The following FGFR2 variants were observed in gnomAD, a reference collection of about 807,000 sequenced individuals.
FGFR2 encodes the protein fibroblast growth factor receptor 2, also known as BEK fibroblast growth factor receptor.
FGFR2 carries 19 observed loss-of-function variants against 95.9 expected under a neutral mutation model. The observed-to-expected ratio is 0.20, with a 90% CI of 0.14 to 0.29. FGFR2 has a LOEUF of 0.29. FGFR2 is among the 10% of genes least tolerant of loss of function. The pLI is 1.00. For missense variants in FGFR2, 707 were observed against 1,056.9 expected, an observed-to-expected ratio of 0.67 and a Z score of 4.59; for synonymous variants, 392 against 393.3, an observed-to-expected ratio of 1.00 and a Z score of 0.04.
At chr10:121,511,206 T>C (rs1849018887) in intron 9 of FGFR2, among the ~76,000 whole-genome samples, 1 of 151,698 alleles carries the variant, frequency 6.6e-6, no homozygotes, top group African/African-American at 2.4e-5. Context: ...CTGCAGCCTC[T>C]TGTACCATGC....
In FGFR2 at chr10:121,531,982, C is replaced by G. The variant is rs115898981; in HGVS notation, c.748+6610G>C. The stretch of plus-strand genomic sequence containing the variant: ...AAAGGCTGTCGCTGTGACCCATTAC[C>G]TGGCACGCCACCCCAATCCCTTCTC... On this transcript the variant is annotated intron_variant, in intron 6 of 17. Transcript: ENST00000358487. The surrounding 1 kb of genome is among the most constrained non-coding windows in gnomAD (Gnocchi z 4.5). Among the ~76,000 whole-genome samples, 226 of 152,330 alleles carry G rather than the reference C, an allele frequency of 1.5e-3. 1 individual carries two copies. The highest frequency in any genetic ancestry group is 4.9e-3 in the African/African-American group (202 of 41,566).
At position 121,551,452 on chromosome 10, in the gene FGFR2, T is replaced by C; in HGVS notation, c.462A>G (p.Pro154=). ...VSENSNNKRA[P]YWTNTEKMEK... The stretch of plus-strand genomic sequence containing the variant: ...CCATCTTTTCTGTGTTGGTCCAGTA[T>C]GGTGCTCCTGTTTTGGAAAACAGTA... The change falls in exon 5 of 18, where the codon CCA becomes CCG. Residue 154 remains proline (P), a synonymous_variant. Coordinates refer to ENST00000358487, the MANE Select transcript of FGFR2 (RefSeq NM_000141.5). 1.9e-6 allele frequency: 3 copies of C among 1,614,140 alleles called. No homozygotes were observed. Among genetic ancestry groups the C allele is most frequent in the Non-Finnish European group, 2.5e-6 (3 of 1,180,020 alleles).
chr10:121,589,448 A>G (rs1399972817), intron 2 of FGFR2, among the ~76,000 whole-genome samples: 2 of 152,220 alleles, frequency 1.3e-5, no homozygotes, highest in Non-Finnish European at 2.9e-5. Flanking sequence ...GGTTTTGTGA[A>G]TTCTCACCCT....
At chr10:121,561,609 T>C (rs1856980023) in intron 4 of FGFR2, among the ~76,000 whole-genome samples, 1 of 151,796 alleles carries the variant, frequency 6.6e-6, no homozygotes, top group South Asian at 2.1e-4. Context: ...GGAGGTAACA[T>C]AGGAGAAAAT....
chr10:121,555,497 G>A (rs1283988795), intron 4 of FGFR2, among the ~76,000 whole-genome samples: 3 of 152,142 alleles, frequency 2.0e-5, no homozygotes, highest in East Asian at 1.9e-4. Flanking sequence ...TAATAGAGAC[G>A]TGTGGTATAA....
chr10:121,487,223 AAGGC>A (rs1845535444), intron 15 of FGFR2, 127 bp downstream of exon 15: 10 of 172,770 alleles, frequency 5.8e-5, no homozygotes, highest in Admixed American at 1.8e-4. Flanking sequence ...TGTCCTTTCT[AAGGC>A]CAGCTCCTGC....
chr10:121,560,666 T>C (rs910528403), intron 4 of FGFR2, among the ~76,000 whole-genome samples: 2 of 143,458 alleles, frequency 1.4e-5, no homozygotes, highest in Admixed American at 6.9e-5. Context: ...GCTCCACTTA[T>C]CAGTGCTTTT....
At chr10:121,550,038 G>A (rs1437385185) in intron 5 of FGFR2, among the ~76,000 whole-genome samples, 1 of 152,144 alleles carries the variant, frequency 6.6e-6, no homozygotes, top group Non-Finnish European at 1.5e-5. Flanking sequence ...GTTTCCTTCA[G>A]TCCTTTTCAT....
intron 2 of FGFR2, among the ~76,000 whole-genome samples, chr10:121,587,012 T>A (rs1387379196): frequency 6.6e-6 from 1 of 152,282 alleles, no homozygotes; most frequent in South Asian, 2.1e-4. Context: ...GGGGCTACGG[T>A]AACCAAAACA....
Position 121,590,149 on chromosome 10 carries a change from A to T in FGFR2, c.109+3560T>A, listed in dbSNP as rs566939904. 5.9e-5 allele frequency among the ~76,000 whole-genome samples: 9 copies of T among 152,228 alleles called. No individual in the cohort carries two copies. In the East Asian group the frequency reaches 1.5e-3, roughly 26 times the overall value. Reference sequence around the variant, plus strand: ...AGATTGACAAAAAATTGCTACACAAACTACATTTTTTTTCAGGTTGTTACT... The same window carrying T: ...AGATTGACAAAAAATTGCTACACAATCTACATTTTTTTTCAGGTTGTTACT... On this transcript the variant is annotated intron_variant, in intron 2 of 17. Coordinates refer to ENST00000358487, the MANE Select transcript of FGFR2 (RefSeq NM_000141.5).
intron 6 of FGFR2, chr10:121,526,210 A>C (rs1851345731): frequency 2.5e-6 from 1 of 398,554 alleles, no homozygotes; most frequent in Admixed American, 4.4e-5. Context: ...AAGGGAAAGA[A>C]CATTCTGCGA....
chr10:121,496,550 C>T lies in FGFR2; in HGVS notation c.1845G>A (p.Glu615=), dbSNP rs763592672. 5.6e-6 allele frequency: 9 copies of T among 1,614,162 alleles called. No individual in the cohort carries two copies. Among genetic ancestry groups the T allele is most frequent in the Non-Finnish European group, 7.6e-6 (9 of 1,180,032 alleles). Residue 615 remains glutamate, a synonymous_variant, in exon 13 of 18, where the codon GAG becomes GAA. Coordinates refer to ENST00000358487, the MANE Select transcript of FGFR2 (RefSeq NM_000141.5). ...SCTYQLARGM[E]YLASQKCIHR... Reference sequence around the variant, plus strand: ...GACTCACTTTTTGGGAAGCCAAGTACTCCATGCCTCTGGCCAGCTGGTAGG... The same window carrying T: ...GACTCACTTTTTGGGAAGCCAAGTATTCCATGCCTCTGGCCAGCTGGTAGG...
Position 121,591,013 on chromosome 10 carries a change from T to G in FGFR2, c.109+2696A>C, listed in dbSNP as rs3036017. 9.1e-5 allele frequency among the ~76,000 whole-genome samples: 10 copies of G among 109,512 alleles called. No individual in the cohort carries two copies. In the South Asian group the frequency reaches 1.4e-3, roughly 15 times the overall value. The allele number at this position is 109,512 out of a possible 152,430, so 71.8% of individuals were successfully genotyped here. Reference sequence around the variant, plus strand: ...CGCACACACACACACACACGCACACTCTCTCTCTCTCTCTCTCTCTTCCAA... The same window carrying G: ...CGCACACACACACACACACGCACACGCTCTCTCTCTCTCTCTCTCTTCCAA... On this transcript the variant is annotated intron_variant, in intron 2 of 17. Transcript: ENST00000358487.
intron 10 of FGFR2, 140 bp from the exon 11 acceptor site, chr10:121,501,087 G>T: frequency 8.6e-7 from 1 of 1,161,942 alleles, no homozygotes; most frequent in Non-Finnish European, 1.2e-6. Context: ...TGAGACTTAG[G>T]GTACACACGC....
chr10:121,566,076 C>T (rs1211754443), intron 2 of FGFR2, among the ~76,000 whole-genome samples: 1 of 152,180 alleles, frequency 6.6e-6, no homozygotes, highest in Non-Finnish European at 1.5e-5. Context: ...GTAAGAATGC[C>T]GAGTTTTACA....
intron 5 of FGFR2, among the ~76,000 whole-genome samples, chr10:121,544,288 A>C (rs991144327): frequency 6.6e-6 from 1 of 152,066 alleles, no homozygotes; most frequent in African/African-American, 2.4e-5. Context: ...TCTACTAAAA[A>C]TACAAAAATT....
intron 7 of FGFR2, 31 bp downstream of exon 7, chr10:121,519,930 ATGAAGGAGACCCCAGTTG>A: frequency 6.3e-7 from 1 of 1,590,452 alleles, no homozygotes; most frequent in Non-Finnish European, 8.6e-7. Flanking sequence ...GGCCAAACCC[ATGAAGGAGACCCCAGTTG>A]TGGGTACCTT....
intron 6 of FGFR2, among the ~76,000 whole-genome samples, chr10:121,535,060 G>A (rs901652339): frequency 1.5e-4 from 23 of 152,132 alleles, no homozygotes; most frequent in African/African-American, 3.6e-4. Context: ...CCTCACAAGA[G>A]GAAGACAGAA....
intron 2 of FGFR2, among the ~76,000 whole-genome samples, chr10:121,570,875 C>T (rs1277882170): frequency 6.6e-6 from 1 of 152,236 alleles, no homozygotes; most frequent in Non-Finnish European, 1.5e-5. Context: ...TTTCTACTGC[C>T]GTGGCCACAC....
Sources: gnomAD v4.1 joint callset for allele counts (sites outside exome capture counted in the v4.1 genomes callset) on GRCh38, gnomAD v4.1.1 for gene constraint, Gnocchi (gnomAD v3.1) non-coding constraint, MANE v1.5 for transcripts, NCBI Gene and HGNC (gene_info 2026-07-23, HGNC 2026-07-21) for gene names.